Variants in CACNA2D1 observed in about 807,000 individuals in gnomAD.
CACNA2D1 encodes calcium voltage-gated channel auxiliary subunit alpha2delta 1, also known as voltage-dependent calcium channel subunit alpha-2/delta-1.
A neutral mutation model predicts 171.5 loss-of-function variants in CACNA2D1; 53 were observed. That is an observed-to-expected ratio of 0.31 (90% CI 0.25 to 0.39). The LOEUF is 0.39. Ranked by LOEUF, CACNA2D1 falls within the 10% of genes least tolerant of loss-of-function variation. CACNA2D1 has a pLI of 1.00. For synonymous variants in CACNA2D1, 442 were observed against 443.1 expected (o/e 1.00, Z 0.03); for missense variants, 903 against 1,299.8 (o/e 0.69, Z 4.69).
At chr7:82,247,227 A>G (rs1308744212) in intron 3 of CACNA2D1, among the ~76,000 whole-genome samples, 1 of 152,154 alleles carries the variant, frequency 6.6e-6, no homozygotes, top group East Asian at 1.9e-4. Context: ...AGAAAGACCC[A>G]GGCTAGGCAC....
chr7:82,114,081 T>C (rs1168450849), intron 6 of CACNA2D1, among the ~76,000 whole-genome samples: 1 of 152,166 alleles, frequency 6.6e-6, no homozygotes, highest in Non-Finnish European at 1.5e-5. Context: ...TCTGTAGCTA[T>C]TTACAAATAG....
intron 5 of CACNA2D1, among the ~76,000 whole-genome samples, chr7:82,123,894 CT>C (rs1321256464): frequency 1.3e-5 from 2 of 151,926 alleles, no homozygotes; most frequent in East Asian, 3.9e-4. Flanking sequence ...AATGCTACCA[CT>C]TAGTAGAGAA....
At chr7:82,289,224 C>G (rs78124055) in intron 3 of CACNA2D1, among the ~76,000 whole-genome samples, 3,552 of 152,176 alleles carry the variant, frequency 0.023, 79 homozygotes, top group Non-Finnish European at 0.035. Context: ...TTTAAATATA[C>G]CCCCCAGCAT....
intron 6 of CACNA2D1, among the ~76,000 whole-genome samples, chr7:82,090,264 G>T (rs1282793600): frequency 6.6e-6 from 1 of 151,880 alleles, no homozygotes; most frequent in Admixed American, 6.6e-5. Flanking sequence ...CTTACCTATA[G>T]CTTTCTAATA....
chr7:82,284,421 G>A (rs991787376), intron 3 of CACNA2D1, among the ~76,000 whole-genome samples: 1 of 152,108 alleles, frequency 6.6e-6, no homozygotes. Context: ...CCCTCTTGTT[G>A]TGAGGGTTAA....
intron 5 of CACNA2D1, among the ~76,000 whole-genome samples, chr7:82,120,184 C>T (rs144666778): frequency 4.6e-4 from 70 of 152,132 alleles, no homozygotes; most frequent in African/African-American, 4.6e-4. Flanking sequence ...TGTGCACGCA[C>T]GCACGTGTGT....
Position 82,003,436 on chromosome 7 carries a change from C to T in CACNA2D1, c.1590+1987G>A, listed in dbSNP as rs184279574. Among the ~76,000 whole-genome samples the T allele has an allele frequency of 4.5e-4, 68 of 151,732 alleles. 1 individual carries two copies. Among genetic ancestry groups the T allele is most frequent in the Admixed American group, 4.4e-3 (67 of 15,248 alleles). On this transcript the variant is annotated intron_variant, in intron 18 of 38. Transcript: ENST00000356860. ...AAATTTTAGTGAATTATTTCAAATA[C>T]GAGCCAAATATAGGTTAATGTCATT...
At chr7:81,966,761 G>T (rs553435258) in intron 31 of CACNA2D1, among the ~76,000 whole-genome samples, 1 of 151,274 alleles carries the variant, frequency 6.6e-6, no homozygotes, top group Non-Finnish European at 1.5e-5. Context: ...CATTTTTCCT[G>T]TAACTATATA....
chr7:82,265,486 T>C (rs983244645), intron 3 of CACNA2D1, among the ~76,000 whole-genome samples: 1 of 142,068 alleles, frequency 7.0e-6, no homozygotes, highest in Non-Finnish European at 1.5e-5. Flanking sequence ...AAGAACACAT[T>C]TGGATTTCAT....
intron 1 of CACNA2D1, among the ~76,000 whole-genome samples, chr7:82,427,359 T>C (rs142331773): frequency 2.2e-4 from 33 of 152,324 alleles, no homozygotes; most frequent in African/African-American, 7.7e-4. Flanking sequence ...TTATGGTCAA[T>C]AGATACATGA....
chr7:82,033,079 T>TCC (rs1802909743), intron 11 of CACNA2D1, 178 bp from the exon 12 acceptor site: 3 of 527,268 alleles, frequency 5.7e-6, no homozygotes, highest in Middle Eastern at 5.2e-4. Context: ...CACCAGGCCT[T>TCC]CCCCTCACCA....
chr7:81,965,128 T>A (rs1467812298), intron 32 of CACNA2D1, among the ~76,000 whole-genome samples: 5 of 151,914 alleles, frequency 3.3e-5, no homozygotes, highest in Non-Finnish European at 7.4e-5. Context: ...ATATTTTTGC[T>A]TTGTTTTTTC....
chr7:82,318,088 T>A (rs1004822627), intron 3 of CACNA2D1, among the ~76,000 whole-genome samples: 10 of 152,124 alleles, frequency 6.6e-5, no homozygotes, highest in Non-Finnish European at 7.4e-5. Flanking sequence ...TAAATAAGCA[T>A]GCCTTATGCT....
In CACNA2D1 at chr7:82,099,745, G is replaced by A. The variant is rs1009523301; in HGVS notation, c.527-14845C>T. ...ATTACAGGCGTGAGCCACCGCGCCC[G>A]GCCGCAATACCTTCTTAAACAGGAA... On this transcript the variant is annotated intron_variant, in intron 6 of 38. Transcript: ENST00000356860. 6.6e-5 allele frequency among the ~76,000 whole-genome samples: 10 copies of A among 151,432 alleles called. 3 individuals are homozygous for A. Among genetic ancestry groups the A allele is most frequent in the Non-Finnish European group, 1.0e-4 (7 of 67,804 alleles).
At chr7:82,175,225 T>A (rs886159295) in intron 3 of CACNA2D1, among the ~76,000 whole-genome samples, 1 of 152,026 alleles carries the variant, frequency 6.6e-6, no homozygotes, top group Admixed American at 6.6e-5. Flanking sequence ...TACACTCCCA[T>A]AATGTTGGTA....
At chr7:82,407,894 C>CTGATAGATTATCTTCTAAA (rs1410159381) in intron 1 of CACNA2D1, among the ~76,000 whole-genome samples, 4 of 152,114 alleles carry the variant, frequency 2.6e-5, no homozygotes, top group Non-Finnish European at 1.5e-5. Context: ...CCATCTATCC[C>CTGATAGATTATCTTCTAAA]TGATAGATTA....
chr7:81,948,154 T>C lies in CACNA2D1; in HGVS notation c.*2238A>G, dbSNP rs1377740605. 6.6e-6 allele frequency: 1 copy of C among 151,894 alleles called. No individual in the cohort carries two copies. Among genetic ancestry groups the C allele is most frequent in the Non-Finnish European group, 1.5e-5 (1 of 67,822 alleles). The allele number at this position is 151,894 out of a possible 1,614,324, so 9.4% of individuals were successfully genotyped here. A position where few individuals can be genotyped will look rare whatever the true frequency, so the allele number is the denominator to read the frequency against. ...TTCAATTGTTTTAATGTGCATTGTTTATATACACAAACTAACAATTTTATA... is the reference window on the plus strand; with the variant it reads ...TTCAATTGTTTTAATGTGCATTGTTCATATACACAAACTAACAATTTTATA... On this transcript the variant is annotated 3_prime_UTR_variant, in exon 39 of 39. Transcript: ENST00000356860.
chr7:82,354,451 G>C (rs1563416488), intron 1 of CACNA2D1, among the ~76,000 whole-genome samples: 1 of 152,136 alleles, frequency 6.6e-6, no homozygotes, highest in Non-Finnish European at 1.5e-5. Context: ...TCTAATCCAT[G>C]GCTAGAAGAG....
chr7:82,087,219 T>C lies in CACNA2D1; in HGVS notation c.527-2319A>G, dbSNP rs117320462. ...GACACTTCCATGTGTTAGTATATAG[T>C]TGCAGGGACTTTTAAATGCAACCAT... On this transcript the variant is annotated intron_variant, in intron 6 of 38. Transcript: ENST00000356860. 3.5e-3 allele frequency among the ~76,000 whole-genome samples: 530 copies of C among 152,272 alleles called. 1 individual carries two copies. The highest frequency in any genetic ancestry group is 4.7e-3 in the Non-Finnish European group (317 of 67,990).
Sources: gnomAD v4.1 joint callset for allele counts (sites outside exome capture counted in the v4.1 genomes callset) on GRCh38, gnomAD v4.1.1 for gene constraint, MANE v1.5 for transcripts, NCBI Gene and HGNC (gene_info 2026-07-23, HGNC 2026-07-21) for gene names.